Variants in LRRC4C observed in about 807,000 individuals in gnomAD.
The protein encoded by LRRC4C is leucine-rich repeat-containing protein 4C.
Under a neutral mutation model 33.6 loss-of-function variants are expected in LRRC4C, and 5 were observed. The observed-to-expected ratio is 0.15, with a 90% CI of 0.08 to 0.31. The LOEUF (loss-of-function observed/expected upper bound fraction) is 0.31. LRRC4C is among the 10% of genes least tolerant of loss of function. LRRC4C has a pLI of 1.00. For missense variants in LRRC4C, 560 were observed against 796.7 expected (o/e 0.70, Z 3.58); for synonymous variants, 329 against 302.0 (o/e 1.09, Z -0.93).
At chr11:41,390,473 T>G (rs563930504) in intron 1 of LRRC4C, among the ~76,000 whole-genome samples, 1 of 151,904 alleles carries the variant, frequency 6.6e-6, no homozygotes, top group Admixed American at 6.6e-5. Flanking sequence ...AGGATGATTT[T>G]CTGGATCACT....
At chr11:41,226,120 G>C (rs948336619) in intron 1 of LRRC4C, among the ~76,000 whole-genome samples, 1 of 152,114 alleles carries the variant, frequency 6.6e-6, no homozygotes, top group African/African-American at 2.4e-5. Flanking sequence ...ATTTTGCAGA[G>C]GACATGGAAA....
intron 2 of LRRC4C, among the ~76,000 whole-genome samples, chr11:40,734,210 C>T (rs367736967): frequency 1.2e-4 from 18 of 151,946 alleles, no homozygotes; most frequent in East Asian, 7.7e-4. Context: ...AAGAATTTAC[C>T]TTAGAGTCTG....
In LRRC4C at chr11:41,204,339, G is replaced by A. The variant is rs532703745; in HGVS notation, c.-496+255092C>T. ...ACTGAAACCAGCATAATCTGGACTG[G>A]GCACCATATCTTGCTTTGAACAGTT... On this transcript the variant is annotated intron_variant, in intron 1 of 6. Transcript: ENST00000528697. Among the ~76,000 whole-genome samples the A allele has an allele frequency of 4.6e-5, 7 of 152,296 alleles. No homozygotes were observed. In the South Asian group the frequency reaches 1.5e-3, roughly 32 times the overall value.
At chr11:41,410,334 G>A (rs910087208) in intron 1 of LRRC4C, among the ~76,000 whole-genome samples, 8 of 151,762 alleles carry the variant, frequency 5.3e-5, no homozygotes, top group Non-Finnish European at 1.2e-4. Flanking sequence ...TCAACGAAAT[G>A]AGTAGAAGTA....
chr11:40,951,778 G>T (rs185861261), intron 1 of LRRC4C, among the ~76,000 whole-genome samples: 74 of 151,972 alleles, frequency 4.9e-4, no homozygotes, highest in African/African-American at 1.7e-3. Flanking sequence ...AATATACCTC[G>T]GTAAGACAAG....
At chr11:40,433,794 A>C (rs1951032822) in intron 3 of LRRC4C, among the ~76,000 whole-genome samples, 1 of 152,210 alleles carries the variant, frequency 6.6e-6, no homozygotes, top group African/African-American at 2.4e-5. Context: ...GAGGTTTATG[A>C]GGATCTACTG....
chr11:40,738,782 T>C (rs1948009554), intron 2 of LRRC4C, among the ~76,000 whole-genome samples: 1 of 152,050 alleles, frequency 6.6e-6, no homozygotes, highest in Non-Finnish European at 1.5e-5. Flanking sequence ...TTTTGACTCC[T>C]TTTTCCCTTA....
chr11:41,132,459 A>G (rs957767669), intron 1 of LRRC4C, among the ~76,000 whole-genome samples: 1 of 152,118 alleles, frequency 6.6e-6, no homozygotes, highest in Non-Finnish European at 1.5e-5. Flanking sequence ...TCCTAATTGA[A>G]GAAATATTAT....
intron 3 of LRRC4C, among the ~76,000 whole-genome samples, chr11:40,424,230 C>A (rs1365352847): frequency 2.0e-5 from 3 of 152,148 alleles, no homozygotes; most frequent in Non-Finnish European, 4.4e-5. Flanking sequence ...TCTTTCAAGA[C>A]TGGTACTTTA....
intron 3 of LRRC4C, chr11:40,351,629 A>T (rs1456036220): frequency 6.6e-6 from 1 of 152,012 alleles, no homozygotes; most frequent in Non-Finnish European, 1.5e-5. Flanking sequence ...ATTCCTTGTT[A>T]TACTCTTCCC....
intron 1 of LRRC4C, among the ~76,000 whole-genome samples, chr11:41,365,423 G>A (rs1361420098): frequency 6.6e-6 from 1 of 151,908 alleles, no homozygotes; most frequent in East Asian, 1.9e-4. Context: ...GAAATAAAAT[G>A]CACAATAAAA....
At chr11:40,305,513 C>T (rs1283633839) in intron 4 of LRRC4C, among the ~76,000 whole-genome samples, 1 of 151,494 alleles carries the variant, frequency 6.6e-6, no homozygotes, top group African/African-American at 2.4e-5. Context: ...GAGAAGGCAA[C>T]AAGCTGTTTC....
chr11:41,122,383 A>G (rs774395762), intron 1 of LRRC4C, among the ~76,000 whole-genome samples: 5 of 152,118 alleles, frequency 3.3e-5, no homozygotes, highest in Non-Finnish European at 7.4e-5. Flanking sequence ...TTAGGTGCTC[A>G]GTTTTGTCAT....
At chr11:40,634,962 TA>T (rs1374107023) in intron 3 of LRRC4C, among the ~76,000 whole-genome samples, 1 of 151,954 alleles carries the variant, frequency 6.6e-6, no homozygotes, top group Non-Finnish European at 1.5e-5. Flanking sequence ...AGATTCTCTT[TA>T]TTAATATTTA....
chr11:41,401,735 A>AT (rs1046298232), intron 1 of LRRC4C, among the ~76,000 whole-genome samples: 1 of 151,812 alleles, frequency 6.6e-6, no homozygotes, highest in Non-Finnish European at 1.5e-5. Flanking sequence ...TTGTTTACTA[A>AT]TTTTTTTACT....
At chr11:40,582,822 A>G (rs1156674273) in intron 3 of LRRC4C, among the ~76,000 whole-genome samples, 1 of 140,630 alleles carries the variant, frequency 7.1e-6, no homozygotes, top group Non-Finnish European at 1.6e-5. Context: ...CAGCCTGTTC[A>G]ATTTTTTTTT....
intron 1 of LRRC4C, among the ~76,000 whole-genome samples, chr11:41,164,700 TG>T (rs1944639292): frequency 6.6e-6 from 1 of 152,132 alleles, no homozygotes; most frequent in South Asian, 2.1e-4. Context: ...TGGGAAAAGC[TG>T]AGTGTTGGGA....
chr11:40,462,941 A>G (rs142761090), intron 3 of LRRC4C, among the ~76,000 whole-genome samples: 53 of 151,782 alleles, frequency 3.5e-4, no homozygotes, highest in African/African-American at 1.2e-3. Flanking sequence ...ATGATGTGAG[A>G]ATTCTGGAGG....
At chr11:40,376,942 G>T (rs1225038515) in intron 3 of LRRC4C, among the ~76,000 whole-genome samples, 1 of 152,064 alleles carries the variant, frequency 6.6e-6, no homozygotes, top group African/African-American at 2.4e-5. Context: ...ATATCATGTT[G>T]CTTTGCTTAT....
Sources: gnomAD v4.1 joint callset for allele counts (sites outside exome capture counted in the v4.1 genomes callset) on GRCh38, gnomAD v4.1.1 for gene constraint, MANE v1.5 for transcripts, NCBI Gene and HGNC (gene_info 2026-07-23, HGNC 2026-07-21) for gene names.